Variants in PCSK5 observed in about 807,000 individuals in gnomAD.
The protein encoded by PCSK5 is prohormone convertase 5.
Under a neutral mutation model 233.2 loss-of-function variants are expected in PCSK5, and 129 were observed. The ratio of observed to expected loss-of-function variants is 0.55; its 90% CI spans 0.48 to 0.64. The LOEUF (loss-of-function observed/expected upper bound fraction) is 0.64. PCSK5 is among the 30% of genes least tolerant of loss of function. The probability of loss-of-function intolerance (pLI) is 0.00; values close to 1 mark genes in which losing one functional copy is unlikely to be tolerated. For synonymous variants in PCSK5, 825 were observed against 879.2 expected (o/e 0.94, Z 1.09); for missense variants, 2,076 against 2,430.1 (o/e 0.85, Z 3.06).
intron 2 of PCSK5, among the ~76,000 whole-genome samples, chr9:75,948,687 C>T (rs1030030265): frequency 2.0e-5 from 3 of 152,026 alleles, no homozygotes; most frequent in African/African-American, 7.2e-5. Flanking sequence ...GTAATGGGAT[C>T]ACTGGGTCAA....
intron 12 of PCSK5, among the ~76,000 whole-genome samples, chr9:76,166,083 C>T (rs1306348423): frequency 2.0e-5 from 3 of 152,148 alleles, no homozygotes; most frequent in African/African-American, 7.2e-5. Context: ...ACAATGTGTA[C>T]TTATAAAGGA....
At chr9:76,302,541 C>A (rs999653437) in intron 28 of PCSK5, among the ~76,000 whole-genome samples, 4 of 152,098 alleles carry the variant, frequency 2.6e-5, no homozygotes, top group Non-Finnish European at 5.9e-5. Context: ...TAAGGAAGCA[C>A]CTCTGCCTTC....
chr9:76,080,703 G>A lies in PCSK5; in HGVS notation c.894+8805G>A, dbSNP rs146125709. ...AATTAGCCTCTCTGAGGATCAGTTT[G>A]TTTCTATATTAAAATGGAGCTAAAT... On this transcript the variant is annotated intron_variant, in intron 7 of 37. Transcript: ENST00000674117. Among the ~76,000 whole-genome samples, 345 of 152,260 alleles carry A rather than the reference G, an allele frequency of 2.3e-3. 1 individual carries two copies. Among genetic ancestry groups the A allele is most frequent in the African/African-American group, 8.0e-3 (332 of 41,546 alleles).
intron 20 of PCSK5, among the ~76,000 whole-genome samples, chr9:76,217,630 A>C (rs1328210161): frequency 6.6e-6 from 1 of 152,066 alleles, no homozygotes; most frequent in African/African-American, 2.4e-5. Flanking sequence ...TCAGTTCCCC[A>C]CCTCTTGGGG....
In PCSK5 at chr9:76,338,326, T is replaced by C; in HGVS notation, c.4845T>C (p.Asp1615=). ...GPRPTDCLSC[D]RFFFLLRSKG... ...GGCCCACAGACTGCCTGTCTTGCGA[T>C]AGATTTTTCTTTCTGCTCCGCTCCA... is the stretch of plus-strand genomic sequence containing the variant. Residue 1615 remains aspartate (D), a synonymous_variant, in exon 35 of 38, where the codon GAT becomes GAC. Coordinates refer to ENST00000674117, the MANE Select transcript of PCSK5 (RefSeq NM_001372043.1). 8 of 1,612,644 alleles carry C rather than the reference T, an allele frequency of 5.0e-6. No homozygotes were observed. The highest frequency in any genetic ancestry group is 5.1e-6 in the Non-Finnish European group (6 of 1,179,734).
Position 76,090,696 on chromosome 9 carries a change from A to G in PCSK5, c.895-5194A>G, listed in dbSNP as rs180954660. 2.6e-3 allele frequency among the ~76,000 whole-genome samples: 391 copies of G among 152,276 alleles called. 1 individual carries two copies. The highest frequency in any genetic ancestry group is 6.8e-3 in the Middle Eastern group (2 of 294). ...GTTCTCAACTTTTTTGGTGCCAGGG[A>G]ACGGTTTCATGGAAGTCAGTTTTTT... On this transcript the variant is annotated intron_variant, in intron 7 of 37. Coordinates refer to ENST00000674117, the MANE Select transcript of PCSK5 (RefSeq NM_001372043.1).
At chr9:76,150,725 C>T (rs1823637281) in intron 10 of PCSK5, among the ~76,000 whole-genome samples, 1 of 152,186 alleles carries the variant, frequency 6.6e-6, no homozygotes. Context: ...CATTTTTGCA[C>T]TGAGCAGCAG....
chr9:76,321,320 G>T, intron 30 of PCSK5, 102 bp from the exon 31 acceptor site: 1 of 668,860 alleles, frequency 1.5e-6, no homozygotes. Context: ...GCTGACGACA[G>T]CAGCAGCCCT....
In PCSK5 at chr9:75,991,585, T is replaced by A. The variant is rs548787980; in HGVS notation, c.411+5340T>A. Among the ~76,000 whole-genome samples, 13 of 152,318 alleles carry A rather than the reference T, an allele frequency of 8.5e-5. No homozygotes were observed. In the South Asian group the frequency reaches 2.7e-3, roughly 32 times the overall value. On this transcript the variant is annotated intron_variant, in intron 3 of 37. Coordinates refer to ENST00000674117, the MANE Select transcript of PCSK5 (RefSeq NM_001372043.1). Reference sequence around the variant, plus strand: ...TATGAGAAGATATTTTCACTTTACCTTCGCTGATTGAAAATACCCTTAGCT... The same window carrying A: ...TATGAGAAGATATTTTCACTTTACCATCGCTGATTGAAAATACCCTTAGCT...
chr9:76,077,310 T>G (rs1830675993), intron 7 of PCSK5, among the ~76,000 whole-genome samples: 1 of 152,232 alleles, frequency 6.6e-6, no homozygotes. Context: ...AAAAATTGTT[T>G]TATCATCAAA....
At chr9:76,059,827 T>A (rs1008646370) in intron 5 of PCSK5, among the ~76,000 whole-genome samples, 2 of 152,054 alleles carry the variant, frequency 1.3e-5, no homozygotes, top group African/African-American at 4.8e-5. Flanking sequence ...TAAAAAAACG[T>A]CAAATAGAAA....
At chr9:76,015,185 A>G (rs554329795) in intron 3 of PCSK5, among the ~76,000 whole-genome samples, 2 of 152,234 alleles carry the variant, frequency 1.3e-5, no homozygotes, top group Non-Finnish European at 2.9e-5. Context: ...CAAGGGCAGG[A>G]GAAGATGGAT....
At chr9:76,235,607 G>T (rs1826228564) in intron 22 of PCSK5, among the ~76,000 whole-genome samples, 1 of 152,174 alleles carries the variant, frequency 6.6e-6, no homozygotes, top group South Asian at 2.1e-4. Context: ...TGATACTCAT[G>T]TTCAAGGAAT....
chr9:76,100,570 AC>A (rs1831713197), intron 8 of PCSK5, among the ~76,000 whole-genome samples: 1 of 152,074 alleles, frequency 6.6e-6, no homozygotes, highest in Admixed American at 6.5e-5. Flanking sequence ...GTCAAGATAG[AC>A]CCCCAAACTC....
chr9:76,238,921 A>AGC, intron 22 of PCSK5, 38 bp from the exon 23 acceptor site: 1 of 1,437,912 alleles, frequency 7.0e-7, no homozygotes, highest in Non-Finnish European at 9.7e-7. Context: ...CTAACTTTGT[A>AGC]CATTTTCCCT....
intron 35 of PCSK5, among the ~76,000 whole-genome samples, chr9:76,343,568 C>T (rs1829898332): frequency 6.6e-6 from 1 of 152,006 alleles, no homozygotes; most frequent in Non-Finnish European, 1.5e-5. Context: ...TTCTCATATT[C>T]AGCCTCATCT....
intron 7 of PCSK5, among the ~76,000 whole-genome samples, chr9:76,088,643 C>T (rs1365172384): frequency 6.6e-6 from 1 of 152,162 alleles, no homozygotes; most frequent in Non-Finnish European, 1.5e-5. Context: ...ATTTCCCTAA[C>T]CTCAGCTCCA....
At chr9:76,026,664 T>C (rs1215676686) in intron 4 of PCSK5, among the ~76,000 whole-genome samples, 2 of 152,158 alleles carry the variant, frequency 1.3e-5, no homozygotes, top group East Asian at 3.9e-4. Flanking sequence ...ATACGTTTCA[T>C]GAATTGGGTC....
chr9:76,265,229 A>T (rs1827298143), intron 24 of PCSK5, among the ~76,000 whole-genome samples: 1 of 151,986 alleles, frequency 6.6e-6, no homozygotes. Context: ...CATAAAGATG[A>T]CAGCAATAGA....
Sources: allele counts gnomAD v4.1 joint callset (sites outside exome capture counted in the v4.1 genomes callset), GRCh38; gene constraint gnomAD v4.1.1; transcripts MANE v1.5; gene names NCBI Gene and HGNC (gene_info 2026-07-23, HGNC 2026-07-21).